Variants in PRDX2 observed in about 807,000 individuals in gnomAD.
PRDX2 encodes the protein peroxiredoxin 2, also known as peroxiredoxin-2.
A neutral mutation model predicts 19.8 loss-of-function variants in PRDX2; 10 were observed. That is an observed-to-expected ratio of 0.50 (90% CI 0.31 to 0.86). The LOEUF (loss-of-function observed/expected upper bound fraction) is 0.86, where lower values mean the gene tolerates loss of function less well. Ranked by LOEUF, PRDX2 falls within the 40% of genes least tolerant of loss-of-function variation. The pLI is 0.04. For synonymous variants in PRDX2, 118 were observed against 108.2 expected, an observed-to-expected ratio of 1.09 and a Z score of -0.56; for missense variants, 226 against 260.1, an observed-to-expected ratio of 0.87 and a Z score of 0.90.
Position 12,797,024 on chromosome 19 carries a change from T to C in PRDX2, c.*57A>G. The C allele has an allele frequency of 6.3e-7, 1 of 1,581,110 alleles. No individual in the cohort carries two copies. Among genetic ancestry groups the C allele is most frequent in the Non-Finnish European group, 8.7e-7 (1 of 1,153,976 alleles). On this transcript the variant is annotated 3_prime_UTR_variant, in exon 6 of 6. Transcript: ENST00000301522. ...TAGGGCACCCAGGTGGGGGCACAGGTGGACACCCAGCACAGGCACCTAGGC... is the reference window on the plus strand; with the variant it reads ...TAGGGCACCCAGGTGGGGGCACAGGCGGACACCCAGCACAGGCACCTAGGC...
At chr19:12,798,530 T>C (rs532232479) in intron 5 of PRDX2, among the ~76,000 whole-genome samples, 1 of 151,974 alleles carries the variant, frequency 6.6e-6, no homozygotes, top group Admixed American at 6.6e-5. Context: ...TTTGTATTTT[T>C]AGTAGAGACT....
chr19:12,800,143 C>T (rs372830882), intron 4 of PRDX2, 34 bp downstream of exon 4: 43 of 1,608,684 alleles, frequency 2.7e-5, no homozygotes, highest in South Asian at 7.7e-5. Context: ...GGGGGCAGGG[C>T]GCTCCCTGAG....
chr19:12,800,636 C>T (rs1461439485), intron 3 of PRDX2: 4 of 1,367,248 alleles, frequency 2.9e-6, no homozygotes, highest in Middle Eastern at 2.4e-4. Flanking sequence ...GAGTTTCCAT[C>T]TTCATGAAAT....
At chr19:12,801,581 C>T (rs1266037671) in intron 1 of PRDX2, among the ~76,000 whole-genome samples, 159 bp downstream of exon 1, 1 of 152,212 alleles carries the variant, frequency 6.6e-6, no homozygotes, top group Non-Finnish European at 1.5e-5. Context: ...GTCGGGCGAT[C>T]AGGCCTGCGC....
At chr19:12,800,818 G>C in intron 3 of PRDX2, 98 bp downstream of exon 3, 1 of 1,550,772 alleles carries the variant, frequency 6.4e-7, no homozygotes, top group Non-Finnish European at 8.7e-7. Flanking sequence ...ATGGGGAAAC[G>C]CAGGTTCCAG....
rs372904613 is a variant in PRDX2 at position 12,799,899 on chromosome 19, C to A, written c.471G>T (p.Arg157=). The part of the protein sequence containing the change: ...PVGRSVDEAL[R]LVQAFQYTDE... ...CTGTGTACTGGAAGGCCTGGACCAGCCGCAGAGCCTCATCCACGGAGCGTC... is the reference window on the plus strand; with the variant it reads ...CTGTGTACTGGAAGGCCTGGACCAGACGCAGAGCCTCATCCACGGAGCGTC... Residue 157 remains arginine, a synonymous_variant, in exon 5 of 6, where the codon CGG becomes CGT. Transcript: ENST00000301522. 1 of 1,613,502 alleles carries A rather than the reference C, an allele frequency of 6.2e-7. No homozygotes were observed. Among genetic ancestry groups the A allele is most frequent in the South Asian group, 1.1e-5 (1 of 91,054 alleles).
chr19:12,801,239 A>AT lies in PRDX2; in HGVS notation c.22dup (p.Ile8AsnfsTer7). 6.2e-7 allele frequency: 1 copy of AT among 1,613,608 alleles called. No individual in the cohort carries two copies. The highest frequency in any genetic ancestry group is 8.5e-7 in the Non-Finnish European group (1 of 1,179,894). ...CTTGAAGTCAGGGGCTGGCTTTCCG[A>AT]TGCGCGCGTTACCGGAGGCCATGAC... On this transcript the variant is annotated frameshift_variant, in exon 2 of 6. Coordinates refer to ENST00000301522, the MANE Select transcript of PRDX2 (RefSeq NM_005809.6). LOFTEE classifies it high-confidence loss of function.
At chr19:12,797,228 C>G in intron 5 of PRDX2, 62 bp from the exon 6 acceptor site, 1 of 1,443,616 alleles carries the variant, frequency 6.9e-7, no homozygotes, top group East Asian at 2.3e-5. Flanking sequence ...TGAAGCAAAG[C>G]AAGGGCCTGT....
Position 12,797,803 on chromosome 19 carries a change from G to A in PRDX2, c.512-637C>T, listed in dbSNP as rs375541987. Among the ~76,000 whole-genome samples, 21 of 151,252 alleles carry A rather than the reference G, an allele frequency of 1.4e-4. No individual in the cohort carries two copies. The East Asian group carries it at 3.1e-3, about 23-fold the overall frequency. ...CTCCTGAGTAGCTGGGACTACAAGTGCCCGCCACCACACCCTGCTAATTTT... is the reference window on the plus strand; with the variant it reads ...CTCCTGAGTAGCTGGGACTACAAGTACCCGCCACCACACCCTGCTAATTTT... On this transcript the variant is annotated intron_variant, in intron 5 of 5. Transcript: ENST00000301522.
At chr19:12,799,250 T>G (rs1968847383) in intron 5 of PRDX2, among the ~76,000 whole-genome samples, 1 of 151,946 alleles carries the variant, frequency 6.6e-6, no homozygotes, top group African/African-American at 2.4e-5. Flanking sequence ...CAGGCTGGAG[T>G]GCAGTGGTGC....
rs368386808 is a variant in PRDX2, at chr19:12,801,005, G to A, written c.168C>T (p.Ile56=). The change falls in exon 3 of 6, where the codon ATC becomes ATT. Residue 56 remains isoleucine (I), a synonymous_variant. Transcript: ENST00000301522. ...DFTFVCPTEI[I]AFSNRAEDFR... is the part of the protein sequence containing the mutation. ...AGTCCTCTGCACGGTTGCTGAACGC[G>A]ATGATCTCGGTGGGGCACACAAAAG... The A allele has an allele frequency of 1.6e-5, 26 of 1,612,456 alleles. No homozygotes were observed. The highest frequency in any genetic ancestry group is 2.2e-5 in the Non-Finnish European group (26 of 1,179,648).
intron 5 of PRDX2, among the ~76,000 whole-genome samples, chr19:12,798,202 G>A (rs1489101627): frequency 6.6e-6 from 1 of 151,102 alleles, no homozygotes; most frequent in Non-Finnish European, 1.5e-5. Context: ...CCGCCACCAC[G>A]CCCGACTAAT....
chr19:12,797,148 T>A lies in PRDX2; in HGVS notation c.530A>T (p.Lys177Met). 6.2e-7 allele frequency: 1 copy of A among 1,614,040 alleles called. No individual in the cohort carries two copies. ...EHGEVCPAGW[K>M]PGSDTIKPNV... ...GGGCTTAATCGTGTCACTGCCAGGC[T>A]TCCAGCCAGCGGGACAAACTGTGGG... The change falls in exon 6 of 6, where the codon AAG becomes ATG. Residue 177 changes from lysine to methionine, a missense_variant. Transcript: ENST00000301522.
chr19:12,798,893 A>G (rs1261691747), intron 5 of PRDX2, among the ~76,000 whole-genome samples: 1 of 150,750 alleles, frequency 6.6e-6, no homozygotes, highest in African/African-American at 2.4e-5. Flanking sequence ...CCCCACCCCT[A>G]CAGGTTTTTT....
At chr19:12,799,656 G>A (rs532366457) in intron 5 of PRDX2, 18 of 580,632 alleles carry the variant, frequency 3.1e-5, no homozygotes, top group African/African-American at 1.9e-4. Flanking sequence ...CACTGAGCCC[G>A]GCCCCTTTGT....
In PRDX2 at chr19:12,799,840, C is replaced by T. The variant is rs746172089; in HGVS notation, c.511+19G>A. The T allele has an allele frequency of 6.2e-7, 1 of 1,610,922 alleles. No individual in the cohort carries two copies. The highest frequency in any genetic ancestry group is 8.5e-7 in the Non-Finnish European group (1 of 1,179,244). Reference sequence around the variant, plus strand: ...AGGCGCTCAGTATGTACCCATGTGTCATGTGTGTATCTGCTCACCTTCCCC... The same window carrying T: ...AGGCGCTCAGTATGTACCCATGTGTTATGTGTGTATCTGCTCACCTTCCCC... On this transcript the variant is annotated intron_variant, in intron 5 of 5. Transcript: ENST00000301522.
At chr19:12,798,331 C>T (rs1968830157) in intron 5 of PRDX2, among the ~76,000 whole-genome samples, 1 of 151,246 alleles carries the variant, frequency 6.6e-6, no homozygotes, top group African/African-American at 2.4e-5. Context: ...AGGCATGAGC[C>T]ACCGTGCCCG....
In PRDX2 at chr19:12,797,036, A is replaced by G. The variant is rs1412562018; in HGVS notation, c.*45T>C. ...GTGGGGGCACAGGTGGACACCCAGC[A>G]CAGGCACCTAGGCAGGGGCACAAGC... On this transcript the variant is annotated 3_prime_UTR_variant, in exon 6 of 6. Transcript: ENST00000301522. 6.3e-7 allele frequency: 1 copy of G among 1,599,762 alleles called. No individual in the cohort carries two copies. The highest frequency in any genetic ancestry group is 8.6e-7 in the Non-Finnish European group (1 of 1,169,016).
Position 12,800,721 on chromosome 19 carries a change from T to A in PRDX2, c.257+195A>T, listed in dbSNP as rs1321089212. On this transcript the variant is annotated intron_variant, in intron 3 of 5. Transcript: ENST00000301522. ...GTTGCATCTGAGTTGCATCTGCAAC[T>A]CTATATACCAGGCAACTAGTTGTCA... is the stretch of plus-strand genomic sequence containing the variant. 2.7e-6 allele frequency: 4 copies of A among 1,484,718 alleles called. No individual in the cohort carries two copies. The African/African-American group carries it at 4.2e-5, about 16-fold the overall frequency. The allele number at this position is 1,484,718 out of a possible 1,614,324, so 92.0% of individuals were successfully genotyped here.
Sources: gnomAD v4.1 joint callset for allele counts (sites outside exome capture counted in the v4.1 genomes callset) on GRCh38, gnomAD v4.1.1 for gene constraint, MANE v1.5 for transcripts, NCBI Gene and HGNC (gene_info 2026-07-23, HGNC 2026-07-21) for gene names.